The following SLC6A17 variants were observed in gnomAD, a reference collection of about 807,000 sequenced individuals.
SLC6A17 encodes sodium-dependent neutral amino acid transporter SLC6A17.
Under a neutral mutation model 64.5 loss-of-function variants are expected in SLC6A17, and 21 were observed. That is an observed-to-expected ratio of 0.33 (90% CI 0.23 to 0.47). The LOEUF (loss-of-function observed/expected upper bound fraction) is 0.47, where lower values mean the gene tolerates loss of function less well. SLC6A17 is among the 20% of genes least tolerant of loss of function. The probability of loss-of-function intolerance (pLI) is 1.00; values close to 1 mark genes in which losing one functional copy is unlikely to be tolerated. For missense variants in SLC6A17, 682 were observed against 963.2 expected, an observed-to-expected ratio of 0.71 and a Z score of 3.86; for synonymous variants, 372 against 399.5, an observed-to-expected ratio of 0.93 and a Z score of 0.82.
chr1:110,191,050 T>C (rs1395382745), intron 6 of SLC6A17, among the ~76,000 whole-genome samples: 3 of 152,216 alleles, frequency 2.0e-5, no homozygotes, highest in Non-Finnish European at 4.4e-5. Flanking sequence ...TGAGTGCCAC[T>C]ACGTACAGGC....
At chr1:110,170,407 C>A (rs368105268) in intron 2 of SLC6A17, among the ~76,000 whole-genome samples, 47 of 152,276 alleles carry the variant, frequency 3.1e-4, no homozygotes, top group African/African-American at 1.1e-3. Context: ...TGGTGTGAAC[C>A]CGGGAGGCAG....
chr1:110,198,052 G>T, intron 11 of SLC6A17, 24 bp from the exon 12 acceptor site: 1 of 1,589,006 alleles, frequency 6.3e-7, no homozygotes, highest in Non-Finnish European at 8.6e-7. Context: ...GCCGGCAGCA[G>T]CCCTTAAGGC....
At chr1:110,195,541 C>A (rs757989627) in intron 9 of SLC6A17, 45 bp from the exon 10 acceptor site, 1 of 1,607,896 alleles carries the variant, frequency 6.2e-7, no homozygotes, top group Non-Finnish European at 8.5e-7. Flanking sequence ...GGGCCCTGCC[C>A]ACCCTGCACC....
At chr1:110,158,687 T>C (rs1358312277) in intron 1 of SLC6A17, among the ~76,000 whole-genome samples, 1 of 152,238 alleles carries the variant, frequency 6.6e-6, no homozygotes, top group African/African-American at 2.4e-5. Flanking sequence ...ATCTCATAAA[T>C]GGCAGAGCAG....
At chr1:110,163,018 TAAAA>T (rs67702050) in intron 1 of SLC6A17, among the ~76,000 whole-genome samples, 12 of 102,174 alleles carry the variant, frequency 1.2e-4, no homozygotes, top group African/African-American at 2.0e-4. Context: ...CCCATGTTGG[TAAAA>T]AAAAAAAAAA....
At chr1:110,171,197 C>T (rs1461833888) in intron 2 of SLC6A17, among the ~76,000 whole-genome samples, 1 of 152,156 alleles carries the variant, frequency 6.6e-6, no homozygotes, top group African/African-American at 2.4e-5. Flanking sequence ...GGGTGACCAT[C>T]AGGGCCCTGG....
intron 3 of SLC6A17, 77 bp from the exon 4 acceptor site, chr1:110,173,896 C>CTAATAGGTGTAGATCTCGG: frequency 6.6e-7 from 1 of 1,517,656 alleles, no homozygotes; most frequent in South Asian, 1.4e-5. Context: ...TGCCGACGTG[C>CTAATAGGTGTAGATCTCGG]TGGGCCTCGG....
intron 2 of SLC6A17, 89 bp downstream of exon 2, chr1:110,167,304 A>C (rs976789137): frequency 9.5e-6 from 14 of 1,474,976 alleles, no homozygotes; most frequent in Non-Finnish European, 1.3e-5. Flanking sequence ...CTGAGGCAGA[A>C]CTGGAGCCCT....
At chr1:110,179,470 G>C (rs1656458185) in intron 6 of SLC6A17, among the ~76,000 whole-genome samples, 1 of 151,528 alleles carries the variant, frequency 6.6e-6, no homozygotes, top group African/African-American at 2.4e-5. Context: ...AATGGTTTAT[G>C]TACACTTTGA....
chr1:110,192,595 C>T lies in SLC6A17; in HGVS notation c.1196C>T (p.Thr399Ile). The T allele has an allele frequency of 1.9e-6, 3 of 1,614,208 alleles. No homozygotes were observed. Among genetic ancestry groups the T allele is most frequent in the Non-Finnish European group, 2.5e-6 (3 of 1,180,032 alleles). The change falls in exon 8 of 12, where the codon ACA becomes ATA. Residue 399 changes from threonine (T) to isoleucine (I), a missense_variant. Thr to Ile is a moderately conservative substitution (Grantham distance 89). Around this residue, in one of 3 missense-constraint regions of SLC6A17, gnomAD observed 415 missense variants for 603.8 expected, o/e 0.69. Coordinates refer to ENST00000331565, the MANE Select transcript of SLC6A17 (RefSeq NM_001010898.4). This position sits in a 1 kb window ranked among gnomAD's most constrained non-coding sequence, Gnocchi z 4.3. ...PPHVNFSHLT[T>I]KDYMEMYNVI... Reference sequence around the variant, plus strand: ...CACGTCAACTTCTCCCACCTGACCACAAAGGACTACATGGAGATGTACAAT... The same window carrying T: ...CACGTCAACTTCTCCCACCTGACCATAAAGGACTACATGGAGATGTACAAT...
intron 6 of SLC6A17, among the ~76,000 whole-genome samples, chr1:110,190,371 C>T (rs1656792466): frequency 6.6e-6 from 1 of 152,182 alleles, no homozygotes; most frequent in East Asian, 1.9e-4. Flanking sequence ...AGCTCAAAGG[C>T]TCGACTACCA....
At chr1:110,158,935 T>G (rs1259324521) in intron 1 of SLC6A17, among the ~76,000 whole-genome samples, 2 of 152,216 alleles carry the variant, frequency 1.3e-5, no homozygotes, top group Non-Finnish European at 2.9e-5. Context: ...GGTGGGAAAC[T>G]TTGATGAACC....
At chr1:110,193,524 G>A (rs970532343) in intron 8 of SLC6A17, among the ~76,000 whole-genome samples, 2 of 152,274 alleles carry the variant, frequency 1.3e-5, no homozygotes, top group African/African-American at 2.4e-5. Context: ...GGCGGAGCCA[G>A]CTCCCATCAG....
At chr1:110,170,627 GC>G (rs1656194925) in intron 2 of SLC6A17, among the ~76,000 whole-genome samples, 1 of 152,194 alleles carries the variant, frequency 6.6e-6, no homozygotes, top group Non-Finnish European at 1.5e-5. Context: ...GGCCCTTTGG[GC>G]CCTCTCTCCT....
intron 2 of SLC6A17, among the ~76,000 whole-genome samples, chr1:110,168,707 A>T (rs1570984978): frequency 1.3e-5 from 2 of 152,344 alleles, no homozygotes; most frequent in Middle Eastern, 6.8e-3. Flanking sequence ...TGGAGGACTT[A>T]GCTGGGAACT....
At position 110,198,413 on chromosome 1, in the gene SLC6A17, T is replaced by G; in HGVS notation, c.2153T>G (p.Leu718Arg). 6.2e-7 allele frequency: 1 copy of G among 1,613,132 alleles called. No homozygotes were observed. Among genetic ancestry groups the G allele is most frequent in the Non-Finnish European group, 8.5e-7 (1 of 1,179,698 alleles). ...AATGGACGCTATGGGAGCGGCTACC[T>G]GCTGGCCAGCACCCCTGAGTCGGAG... The part of the protein sequence containing the change: ...NPNGRYGSGY[L>R]LASTPESEL Residue 718 changes from leucine (L) to arginine (R), a missense_variant, in exon 12 of 12, where the codon CTG (leucine) becomes CGG (arginine). By Grantham distance (102) the Leu-to-Arg change is moderately radical (BLOSUM62 -2). Around this residue, in one of 3 missense-constraint regions of SLC6A17, gnomAD observed 264 missense variants for 339.5 expected, o/e 0.78. Transcript: ENST00000331565.
At chr1:110,196,383 C>T (rs2100952195) in intron 10 of SLC6A17, among the ~76,000 whole-genome samples, 1 of 152,358 alleles carries the variant, frequency 6.6e-6, no homozygotes, top group Non-Finnish European at 1.5e-5. Context: ...CACTAACCCA[C>T]TTGGTCTGAC....
rs567795962 is a variant in SLC6A17 at position 110,167,504 on chromosome 1, A to G, written c.286+289A>G. On this transcript the variant is annotated intron_variant, in intron 2 of 11. Coordinates refer to ENST00000331565, the MANE Select transcript of SLC6A17 (RefSeq NM_001010898.4). The stretch of plus-strand genomic sequence containing the variant: ...AAATTGCTTAACCTCTCTGTGCCTC[A>G]TCTGCAAAATGAAAATAATAGTAGC... Among the ~76,000 whole-genome samples the G allele has an allele frequency of 2.6e-5, 4 of 152,314 alleles. No individual in the cohort carries two copies. In the East Asian group the frequency reaches 7.7e-4, roughly 29 times the overall value.
Position 110,174,739 on chromosome 1 carries a change from C to T in SLC6A17, c.572-40C>T, listed in dbSNP as rs773881509. ...CCAGCAGAGGAAGTGACCCCATAGG[C>T]CCTGCCACTGAGGCCCTGTGACCTT... On this transcript the variant is annotated intron_variant, in intron 4 of 11. Transcript: ENST00000331565. 3.7e-6 allele frequency: 6 copies of T among 1,601,434 alleles called. No individual in the cohort carries two copies. The South Asian group carries it at 5.6e-5, about 15-fold the overall frequency.
Sources: gnomAD v4.1 joint callset for allele counts (sites outside exome capture counted in the v4.1 genomes callset) on GRCh38, gnomAD v4.1.1 for gene constraint, gnomAD v4.1.1 regional missense constraint, Gnocchi (gnomAD v3.1) non-coding constraint, MANE v1.5 for transcripts, NCBI Gene and HGNC (gene_info 2026-07-23, HGNC 2026-07-21) for gene names.